The following CFTR variants were observed in gnomAD, a reference collection of about 807,000 sequenced individuals.
The protein encoded by CFTR is cystic fibrosis transmembrane conductance regulator.
In CFTR, 181 loss-of-function variants were observed where a neutral mutation model predicts 171.6. The ratio of observed to expected loss-of-function variants is 1.05; its 90% CI spans 0.93 to 1.19. CFTR has a LOEUF of 1.19. Ranked by LOEUF, CFTR falls within the 50% of genes most tolerant of loss-of-function variation. The pLI, the probability that CFTR is intolerant of heterozygous loss-of-function variation, is 0.00. For missense variants in CFTR, 1,968 were observed against 1,734.7 expected (o/e 1.13, Z -2.39); for synonymous variants, 583 against 608.0 (o/e 0.96, Z 0.60).
rs562012226 is a variant in CFTR, at chr7:117,540,294, C to T, written c.1064C>T (p.Pro355Leu). The T allele has an allele frequency of 5.0e-6, 8 of 1,613,978 alleles. No individual in the cohort carries two copies. In the African/African-American group the frequency reaches 5.3e-5, roughly 11 times the overall value. ...VLRMAVTRQF[P>L]WAVQTWYDSL... is the part of the protein sequence containing the mutation. ...CGCATGGCGGTCACTCGGCAATTTC[C>T]CTGGGCTGTACAAACATGGTATGAC... Residue 355 changes from proline (P) to leucine (L), a missense_variant, in exon 8 of 27, where the codon CCC (proline) becomes CTC (leucine). Pro to Leu is a moderately conservative substitution (Grantham distance 98). Coordinates refer to ENST00000003084, the MANE Select transcript of CFTR (RefSeq NM_000492.4).
At chr7:117,595,205 C>A (rs938435626) in intron 15 of CFTR, 147 bp downstream of exon 15, 4 of 608,322 alleles carry the variant, frequency 6.6e-6, no homozygotes, top group Non-Finnish European at 1.2e-5. Flanking sequence ...ACATATATCA[C>A]TATATGTATA....
rs1274886789 is a variant in CFTR at position 117,603,625 on chromosome 7, C to T, written c.2751C>T (p.Tyr917=). The part of the protein sequence containing the change: ...ITSTSSYYVF[Y]IYVGVADTLL... ...GCACCAGTTCGTATTATGTGTTTTA[C>T]ATTTACGTGGGAGTAGCCGACACTT... Residue 917 remains tyrosine (Y), a synonymous_variant, in exon 17 of 27, where the codon TAC becomes TAT. Transcript: ENST00000003084. 7 of 1,613,960 alleles carry T rather than the reference C, an allele frequency of 4.3e-6. No individual in the cohort carries two copies. The highest frequency in any genetic ancestry group is 5.9e-6 in the Non-Finnish European group (7 of 1,179,964).
chr7:117,547,753 A>G (rs1484055147), intron 9 of CFTR, among the ~76,000 whole-genome samples: 2 of 152,142 alleles, frequency 1.3e-5, no homozygotes, highest in East Asian at 1.9e-4. Flanking sequence ...CCTACTCCAG[A>G]AAGTGCAACG....
chr7:117,519,516 C>A (rs1449209380), intron 3 of CFTR, among the ~76,000 whole-genome samples: 2 of 151,704 alleles, frequency 1.3e-5, no homozygotes, highest in Non-Finnish European at 2.9e-5. Context: ...TGCATGTTTT[C>A]TTTTTATTTA....
chr7:117,578,301 A>T (rs188394320), intron 11 of CFTR, among the ~76,000 whole-genome samples: 15 of 152,080 alleles, frequency 9.9e-5, no homozygotes, highest in Non-Finnish European at 2.1e-4. Flanking sequence ...CTTTATGAAG[A>T]TTCACCTCCA....
chr7:117,606,036 G>A (rs117678156), intron 17 of CFTR, among the ~76,000 whole-genome samples: 1 of 152,260 alleles, frequency 6.6e-6, no homozygotes, highest in Non-Finnish European at 1.5e-5. Context: ...CTAGCATTGT[G>A]CCTGGTACAA....
At chr7:117,614,115 A>T (rs1396592602) in intron 20 of CFTR, among the ~76,000 whole-genome samples, 1 of 149,680 alleles carries the variant, frequency 6.7e-6, no homozygotes, top group Non-Finnish European at 1.5e-5. Flanking sequence ...ACTTCCCAAT[A>T]GCATGCAATT....
Position 117,559,668 on chromosome 7 carries a change from G to A in CFTR, c.1584+13G>A. 1.9e-6 allele frequency: 3 copies of A among 1,604,744 alleles called. No homozygotes were observed. Among genetic ancestry groups the A allele is most frequent in the African/African-American group, 1.3e-5 (1 of 74,812 alleles). On this transcript the variant is annotated intron_variant, in intron 11 of 26. Transcript: ENST00000003084. ...CCAACTAGAAGAGGTAAGAAACTAT[G>A]TGAAAACTTTTTGATTATGCATATG... is the stretch of plus-strand genomic sequence containing the variant.
intron 17 of CFTR, among the ~76,000 whole-genome samples, chr7:117,605,836 CATTAAAT>C (rs1792292621): frequency 6.6e-6 from 1 of 152,066 alleles, no homozygotes; most frequent in South Asian, 2.1e-4. Context: ...TTATGCAAGG[CATTAAAT>C]ATTAAACTAG....
chr7:117,611,740 A>G lies in CFTR; in HGVS notation c.3299A>G (p.Gln1100Arg). The change falls in exon 20 of 27, where the codon CAA becomes CGA. Residue 1100 changes from glutamine (Q) to arginine (R), a missense_variant. By Grantham distance (43) the Gln-to-Arg change is conservative. Transcript: ENST00000003084. The part of the protein sequence containing the change: ...FLYLSTLRWF[Q>R]MRIEMIFVIF... ...TACCTGTCAACACTGCGCTGGTTCCAAATGAGAATAGAAATGATTTTTGTC... is the reference window on the plus strand; with the variant it reads ...TACCTGTCAACACTGCGCTGGTTCCGAATGAGAATAGAAATGATTTTTGTC... The G allele has an allele frequency of 6.2e-7, 1 of 1,613,586 alleles. No individual in the cohort carries two copies. The highest frequency in any genetic ancestry group is 8.5e-7 in the Non-Finnish European group (1 of 1,179,748).
intron 21 of CFTR, among the ~76,000 whole-genome samples, chr7:117,625,125 C>G (rs1235365908): frequency 1.3e-5 from 2 of 152,168 alleles, no homozygotes; most frequent in East Asian, 3.9e-4. Context: ...TTCTCACCCA[C>G]TGAATTGAAT....
intron 24 of CFTR, among the ~76,000 whole-genome samples, chr7:117,657,539 A>G (rs1164663211): frequency 1.3e-5 from 2 of 152,204 alleles, no homozygotes; most frequent in Non-Finnish European, 2.9e-5. Flanking sequence ...CAAAGTCACA[A>G]GGCCTAGGCT....
chr7:117,654,564 A>G (rs943333917), intron 24 of CFTR, among the ~76,000 whole-genome samples: 8 of 152,042 alleles, frequency 5.3e-5, no homozygotes, highest in African/African-American at 1.9e-4. Context: ...CATGCTGTTC[A>G]TGTGATAGTG....
At chr7:117,649,278 A>ATGTGTG (rs375570103) in intron 23 of CFTR, among the ~76,000 whole-genome samples, 1 of 137,376 alleles carries the variant, frequency 7.3e-6, no homozygotes, top group Non-Finnish European at 1.6e-5. Flanking sequence ...TATACATGGG[A>ATGTGTG]TGTGTGTGTG....
At chr7:117,523,500 C>T (rs1263675638) in intron 3 of CFTR, among the ~76,000 whole-genome samples, 11 of 152,058 alleles carry the variant, frequency 7.2e-5, no homozygotes, top group Non-Finnish European at 1.5e-4. Flanking sequence ...CCTCAGCCTC[C>T]CGAGTAGCTA....
intron 21 of CFTR, among the ~76,000 whole-genome samples, chr7:117,616,725 C>A (rs988202069): frequency 3.3e-5 from 5 of 152,000 alleles, no homozygotes; most frequent in Non-Finnish European, 5.9e-5. Context: ...TTGCAAGGAC[C>A]TATTGTGTTA....
In CFTR at chr7:117,548,606, A is replaced by ATGTG. The variant is rs3832534; in HGVS notation, c.1210-15_1210-12dup. ...CTGACAAACTCATCTTTTATTTTTG[A>ATGTG]TGTGTGTGTGTGTGTGTGTGTGTTT... On this transcript the variant is annotated intron_variant, in intron 9 of 26. Coordinates refer to ENST00000003084, the MANE Select transcript of CFTR (RefSeq NM_000492.4). The ATGTG allele has an allele frequency of 8.7e-4, 1,317 of 1,513,890 alleles. 1 individual carries two copies. In the East Asian group the frequency reaches 0.012, roughly 14 times the overall value. The allele number at this position is 1,513,890 out of a possible 1,614,324, so 93.8% of individuals were successfully genotyped here.
At chr7:117,637,798 A>G (rs1792849743) in intron 22 of CFTR, among the ~76,000 whole-genome samples, 1 of 151,792 alleles carries the variant, frequency 6.6e-6, no homozygotes, top group African/African-American at 2.4e-5. Flanking sequence ...AACTGCTTGA[A>G]CCCAGTAAGT....
At chr7:117,603,352 A>C (rs1465869277) in intron 16 of CFTR, among the ~76,000 whole-genome samples, 180 bp from the exon 17 acceptor site, 1 of 152,208 alleles carries the variant, frequency 6.6e-6, no homozygotes, top group Non-Finnish European at 1.5e-5. Context: ...ATCTCTATCA[A>C]TAGTGAGAAA....
Sources: gnomAD v4.1 joint callset for allele counts (sites outside exome capture counted in the v4.1 genomes callset) on GRCh38, gnomAD v4.1.1 for gene constraint, MANE v1.5 for transcripts, NCBI Gene and HGNC (gene_info 2026-07-23, HGNC 2026-07-21) for gene names.